Variants in GRIN2A observed in about 807,000 individuals in gnomAD.
GRIN2A encodes the protein glutamate receptor ionotropic, NMDA 2A.
A neutral mutation model predicts 113.4 loss-of-function variants in GRIN2A; 22 were observed. The observed-to-expected ratio is 0.19, with a 90% confidence interval of 0.14 to 0.28. The LOEUF (loss-of-function observed/expected upper bound fraction) is 0.28, where lower values mean the gene tolerates loss of function less well. Ranked by LOEUF, GRIN2A falls within the 10% of genes least tolerant of loss-of-function variation. The pLI, the probability that GRIN2A is intolerant of heterozygous loss-of-function variation, is 1.00. For missense variants in GRIN2A, 1,502 were observed against 1,887.0 expected (o/e 0.80, Z 3.78); for synonymous variants, 827 against 738.4 (o/e 1.12, Z -1.94).
At chr16:10,078,904 G>A (rs2047929988) in intron 2 of GRIN2A, among the ~76,000 whole-genome samples, 1 of 152,204 alleles carries the variant, frequency 6.6e-6, no homozygotes, top group Non-Finnish European at 1.5e-5. Context: ...CATTGCAATT[G>A]CAAACACTGT....
intron 2 of GRIN2A, among the ~76,000 whole-genome samples, chr16:10,136,489 CA>C (rs1397675228): frequency 1.3e-5 from 2 of 152,102 alleles, no homozygotes; most frequent in East Asian, 3.8e-4. Context: ...TAATTATACT[CA>C]ATTGTAGACC....
intron 2 of GRIN2A, among the ~76,000 whole-genome samples, chr16:10,047,041 A>G (rs2047272585): frequency 6.6e-6 from 1 of 152,168 alleles, no homozygotes; most frequent in Non-Finnish European, 1.5e-5. Context: ...AGTAGTACTC[A>G]CCTTCACTCA....
intron 11 of GRIN2A, among the ~76,000 whole-genome samples, chr16:9,772,983 C>T (rs1297030226): frequency 6.7e-6 from 1 of 149,578 alleles, no homozygotes; most frequent in Admixed American, 6.6e-5. Context: ...ACAGCCTGTT[C>T]CAATCATTTT....
chr16:10,077,933 G>C (rs1029980366), intron 2 of GRIN2A, among the ~76,000 whole-genome samples: 1 of 152,110 alleles, frequency 6.6e-6, no homozygotes, highest in Non-Finnish European at 1.5e-5. Flanking sequence ...GGTAAACTCA[G>C]GCCTGGATCA....
intron 2 of GRIN2A, among the ~76,000 whole-genome samples, chr16:10,147,019 T>C (rs1176218393): frequency 2.0e-5 from 3 of 152,090 alleles, no homozygotes; most frequent in Non-Finnish European, 4.4e-5. Flanking sequence ...CTGCCTTGCT[T>C]TTCCCTCAGG....
At chr16:9,788,440 T>C (rs1238724421) in intron 11 of GRIN2A, among the ~76,000 whole-genome samples, 1 of 151,918 alleles carries the variant, frequency 6.6e-6, no homozygotes, top group African/African-American at 2.4e-5. Context: ...GTATTTTTAG[T>C]AGAAATGGGG....
chr16:10,078,633 C>T (rs1332621800), intron 2 of GRIN2A, among the ~76,000 whole-genome samples: 1 of 152,190 alleles, frequency 6.6e-6, no homozygotes, highest in Non-Finnish European at 1.5e-5. Context: ...CTCCTCTGTG[C>T]TCTGCCCTCG....
At chr16:10,000,301 G>A (rs1056508410) in intron 2 of GRIN2A, among the ~76,000 whole-genome samples, 3 of 152,100 alleles carry the variant, frequency 2.0e-5, no homozygotes, top group African/African-American at 7.2e-5. Context: ...TGAAGAACAT[G>A]CATGTGTTAA....
At chr16:9,863,970 G>T (rs1429435277) in intron 4 of GRIN2A, among the ~76,000 whole-genome samples, 1 of 152,192 alleles carries the variant, frequency 6.6e-6, no homozygotes, top group Non-Finnish European at 1.5e-5. Context: ...AACAGGAATT[G>T]GGGCTGGGGA....
chr16:9,922,567 G>A (rs1039935281), intron 3 of GRIN2A, among the ~76,000 whole-genome samples: 8 of 152,114 alleles, frequency 5.3e-5, no homozygotes, highest in African/African-American at 1.7e-4. Flanking sequence ...AAACCTCTCT[G>A]TAGACATCAA....
chr16:9,947,446 T>C (rs758920611), intron 2 of GRIN2A, among the ~76,000 whole-genome samples: 55 of 152,368 alleles, frequency 3.6e-4, no homozygotes, highest in Non-Finnish European at 6.5e-4. Flanking sequence ...ATAGAGGAGC[T>C]GCTGCTGAAC....
chr16:10,180,219 G>C lies in GRIN2A; in HGVS notation c.193C>G (p.Leu65Val), dbSNP rs753806713. Reference sequence around the variant, plus strand: ...AGCAGAGCTACCACGTTCACGTCCAGGGGCAGCCCCGCCGCCTGCTCGGGG... The same window carrying C: ...AGCAGAGCTACCACGTTCACGTCCACGGGCAGCCCCGCCGCCTGCTCGGGG... ...WGPEQAAGLP[L>V]DVNVVALLMN... The change falls in exon 2 of 13, where the codon CTG becomes GTG. Residue 65 changes from leucine to valine, a missense_variant. Physicochemically the swap from Leu to Val is conservative, Grantham distance 32 (BLOSUM62 1). Coordinates refer to ENST00000330684, the MANE Select transcript of GRIN2A (RefSeq NM_001134407.3). The surrounding 1 kb of genome is among the most constrained non-coding windows in gnomAD (Gnocchi z 7.0). The C allele has an allele frequency of 6.2e-7, 1 of 1,614,108 alleles. No homozygotes were observed. The highest frequency in any genetic ancestry group is 1.1e-5 in the South Asian group (1 of 91,088).
At chr16:9,808,761 C>CGTAA (rs565274738) in intron 10 of GRIN2A, among the ~76,000 whole-genome samples, 88 of 152,194 alleles carry the variant, frequency 5.8e-4, no homozygotes, top group South Asian at 3.3e-3. Context: ...AAATTGACTA[C>CGTAA]GTAAGTTTGA....
chr16:10,022,842 C>A (rs9921906), intron 2 of GRIN2A, among the ~76,000 whole-genome samples: 62,871 of 151,956 alleles, frequency 0.41, 13,253 homozygotes, highest in Middle Eastern at 0.47. Context: ...GAGAAAAATG[C>A]CAACAATGAC....
intron 2 of GRIN2A, among the ~76,000 whole-genome samples, chr16:9,956,893 G>C (rs546794501): frequency 2.0e-5 from 3 of 152,174 alleles, no homozygotes; most frequent in Non-Finnish European, 4.4e-5. Context: ...AGGCAAGTGT[G>C]AGGGTCTTTA....
At chr16:9,954,359 TAGAC>T (rs1360153320) in intron 2 of GRIN2A, among the ~76,000 whole-genome samples, 2 of 152,182 alleles carry the variant, frequency 1.3e-5, no homozygotes, top group African/African-American at 4.8e-5. Context: ...CAGATTGAGA[TAGAC>T]AGATTCCTAG....
chr16:10,038,442 G>T (rs1056554712), intron 2 of GRIN2A, among the ~76,000 whole-genome samples: 3 of 152,076 alleles, frequency 2.0e-5, no homozygotes, highest in African/African-American at 7.2e-5. Flanking sequence ...CTGCATTGGA[G>T]GGGGCTGTCC....
chr16:10,024,525 C>A (rs759785747), intron 2 of GRIN2A, among the ~76,000 whole-genome samples: 1 of 152,342 alleles, frequency 6.6e-6, no homozygotes, highest in Admixed American at 6.5e-5. Flanking sequence ...GCCAATGTCA[C>A]GCACAGTTTT....
At chr16:9,827,428 G>C (rs2042406775) in intron 9 of GRIN2A, among the ~76,000 whole-genome samples, 1 of 152,210 alleles carries the variant, frequency 6.6e-6, no homozygotes, top group South Asian at 2.1e-4. Flanking sequence ...AGGAAAGACT[G>C]GAGAAGGGGG....
Sources: gnomAD v4.1 joint callset for allele counts (sites outside exome capture counted in the v4.1 genomes callset) on GRCh38, gnomAD v4.1.1 for gene constraint, Gnocchi (gnomAD v3.1) non-coding constraint, MANE v1.5 for transcripts, NCBI Gene and HGNC (gene_info 2026-07-23, HGNC 2026-07-21) for gene names.